The following IGSF9B variants were observed in gnomAD, a reference collection of about 807,000 sequenced individuals.
The protein encoded by IGSF9B is protein turtle homolog B.
In IGSF9B, 48 loss-of-function variants were observed where a neutral mutation model predicts 143.7. The observed-to-expected ratio is 0.33, with a 90% CI of 0.26 to 0.42. The LOEUF (loss-of-function observed/expected upper bound fraction) is 0.42. Among genes scored for constraint, IGSF9B ranks in the 20% least tolerant of loss-of-function variants. IGSF9B has a pLI of 1.00. For synonymous variants in IGSF9B, 903 were observed against 833.1 expected (o/e 1.08, Z -1.44); for missense variants, 1,706 against 1,980.0 (o/e 0.86, Z 2.63).
chr11:133,916,471 A>G (rs1408129020), intron 18 of IGSF9B, among the ~76,000 whole-genome samples: 2 of 152,124 alleles, frequency 1.3e-5, no homozygotes, highest in Non-Finnish European at 2.9e-5. Flanking sequence ...TCTCCCCAGG[A>G]CCCAGCAGCC....
intron 1 of IGSF9B, among the ~76,000 whole-genome samples, chr11:133,955,355 C>T (rs1016578632): frequency 6.6e-6 from 1 of 152,344 alleles, no homozygotes; most frequent in East Asian, 1.9e-4. Flanking sequence ...TTCGCTTCGC[C>T]CTCTGCTCGT....
At chr11:133,927,890 G>A (rs1393805918) in intron 12 of IGSF9B, among the ~76,000 whole-genome samples, 1 of 152,150 alleles carries the variant, frequency 6.6e-6, no homozygotes, top group Non-Finnish European at 1.5e-5. Context: ...TCACTACCGT[G>A]CACGCCCAGG....
chr11:133,922,930 A>G (rs1200962627), intron 15 of IGSF9B, among the ~76,000 whole-genome samples, 200 bp from the exon 16 acceptor site: 1 of 152,226 alleles, frequency 6.6e-6, no homozygotes, highest in African/African-American at 2.4e-5. Context: ...ACAGAAGTCA[A>G]TCTCTCCAAA....
Position 133,956,865 on chromosome 11 carries a change from C to T in IGSF9B, c.-111G>A, listed in dbSNP as rs947706915. ...CGCCCGCCTCGCGCCGCCTACGCCC[C>T]GCGCCGGTGCTCCTGCAGCCCGGGT... is the stretch of plus-strand genomic sequence containing the variant. On this transcript the variant is annotated 5_prime_UTR_variant, in exon 1 of 20. Transcript: ENST00000533871. 6 of 543,056 alleles carry T rather than the reference C, an allele frequency of 1.1e-5. No homozygotes were observed. The highest frequency in any genetic ancestry group is 1.7e-5 in the Non-Finnish European group (6 of 348,592). 33.6% of individuals were successfully genotyped at this position (543,056 alleles called of 1,614,324 possible). A position where few individuals can be genotyped will look rare whatever the true frequency, so the allele number is the denominator to read the frequency against.
rs368827068 is a variant in IGSF9B at position 133,937,343 on chromosome 11, C to G, written c.679+33G>C. The G allele has an allele frequency of 2.6e-6, 4 of 1,515,766 alleles. No homozygotes were observed. In the African/African-American group the frequency reaches 4.1e-5, roughly 16 times the overall value. 93.9% of individuals were successfully genotyped at this position (1,515,766 alleles called of 1,614,324 possible). On this transcript the variant is annotated intron_variant, in intron 5 of 19. Coordinates refer to ENST00000533871, the MANE Select transcript of IGSF9B (RefSeq NM_001277285.4). ...CGGGCTGGACATCCCCGCGGGAGCC[C>G]AGGGTTAAAGAGGCTGAGGAAATGG...
intron 13 of IGSF9B, among the ~76,000 whole-genome samples, chr11:133,926,336 G>A (rs1939626429): frequency 6.6e-6 from 1 of 152,252 alleles, no homozygotes; most frequent in Non-Finnish European, 1.5e-5. Flanking sequence ...AAGGACTGGG[G>A]GTGAGCATCC....
intron 5 of IGSF9B, among the ~76,000 whole-genome samples, chr11:133,936,639 C>A (rs1939829071): frequency 6.6e-6 from 1 of 152,178 alleles, no homozygotes; most frequent in Non-Finnish European, 1.5e-5. Context: ...ACAAAGGGGG[C>A]AGCTGCGGCC....
Position 133,937,856 on chromosome 11 carries a change from G to C in IGSF9B, c.515C>G (p.Thr172Ser), listed in dbSNP as rs767286232. Residue 172 changes from threonine to serine, a missense_variant, in exon 4 of 20, where the codon ACC becomes AGC. By Grantham distance (58) the Thr-to-Ser change is moderately conservative. Around this residue, in one of 7 missense-constraint regions of IGSF9B, gnomAD observed 238 missense variants for 452.6 expected, o/e 0.53. Transcript: ENST00000533871. The part of the protein sequence containing the change: ...TAFGNPKPIV[T>S]WLKEGTLLGA... ...GAGGAGCGTCCCCTCCTTGAGCCAG[G>C]TGACAATGGGCTTGGGGTTCCCAAA... The C allele has an allele frequency of 6.2e-7, 1 of 1,611,356 alleles. No individual in the cohort carries two copies. Among genetic ancestry groups the C allele is most frequent in the African/African-American group, 1.3e-5 (1 of 74,904 alleles).
At chr11:133,910,820 T>C (rs746108014) in intron 19 of IGSF9B, among the ~76,000 whole-genome samples, 5 of 152,190 alleles carry the variant, frequency 3.3e-5, no homozygotes, top group Admixed American at 6.5e-5. Context: ...GTTATACATA[T>C]ATAAAAACTA....
chr11:133,921,155 C>T lies in IGSF9B; in HGVS notation c.2570G>A (p.Arg857His), dbSNP rs868608028. ...CATCTCGGCAGGGTCCATCACGAAG[C>T]GGCCGTCAGGGCCTCTGCTGATGAG... ...IELISRGPDG[R>H]FVMDPAEMEP... The change falls in exon 18 of 20, where the codon CGC becomes CAC. Residue 857 changes from arginine to histidine, a missense_variant. Physicochemically the swap from Arg to His is conservative, Grantham distance 29. This residue lies in a region of IGSF9B where 135 missense variants were observed against 181.3 expected (regional missense o/e 0.74). Transcript: ENST00000533871. 2 of 1,612,784 alleles carry T rather than the reference C, an allele frequency of 1.2e-6. No individual in the cohort carries two copies. Among genetic ancestry groups the T allele is most frequent in the Non-Finnish European group, 1.7e-6 (2 of 1,179,454 alleles).
At position 133,932,131 on chromosome 11, in the gene IGSF9B, T is replaced by C; in HGVS notation, c.1050A>G (p.Ala350=). The change falls in exon 8 of 20, where the codon GCA becomes GCG. Residue 350 remains alanine, a synonymous_variant. Coordinates refer to ENST00000533871, the MANE Select transcript of IGSF9B (RefSeq NM_001277285.4). The part of the protein sequence containing the change: ...IHGYIRCPVD[A]EPPATVVKWN... Reference sequence around the variant, plus strand: ...ACTTGACCACGGTGGCCGGTGGTTCTGCGTCCACAGGGCAGCGGATGTAGC... The same window carrying C: ...ACTTGACCACGGTGGCCGGTGGTTCCGCGTCCACAGGGCAGCGGATGTAGC... 6.2e-7 allele frequency: 1 copy of C among 1,613,406 alleles called. No individual in the cohort carries two copies. Among genetic ancestry groups the C allele is most frequent in the Non-Finnish European group, 8.5e-7 (1 of 1,179,682 alleles).
intron 1 of IGSF9B, among the ~76,000 whole-genome samples, chr11:133,950,646 C>A (rs1465327555): frequency 6.6e-6 from 1 of 152,218 alleles, no homozygotes; most frequent in South Asian, 2.1e-4. Context: ...AACTCCAACC[C>A]CACACTGGGG....
rs773503367 is a variant in IGSF9B at position 133,920,450 on chromosome 11, G to A, written c.3275C>T (p.Pro1092Leu). Residue 1092 changes from proline to leucine, a missense_variant, in exon 18 of 20, where the codon CCG becomes CTG. Coordinates refer to ENST00000533871, the MANE Select transcript of IGSF9B (RefSeq NM_001277285.4). ...PTSLQVPAAYPGILSLEAPKG... is the reference protein window; with the variant it reads ...PTSLQVPAAYLGILSLEAPKG... The stretch of plus-strand genomic sequence containing the variant: ...CGGTGCCTCCAGAGACAGGATGCCC[G>A]GGTAGGCCGCGGGCACCTGCAGGGA... 19 of 1,567,786 alleles carry A rather than the reference G, an allele frequency of 1.2e-5. No homozygotes were observed. Among genetic ancestry groups the A allele is most frequent in the African/African-American group, 6.8e-5 (5 of 73,596 alleles).
intron 11 of IGSF9B, among the ~76,000 whole-genome samples, chr11:133,930,735 G>C (rs1433760215): frequency 6.6e-6 from 1 of 152,230 alleles, no homozygotes; most frequent in Non-Finnish European, 1.5e-5. Flanking sequence ...CCTCAGGTGG[G>C]CTGCTGTGGA....
At chr11:133,930,651 AG>A (rs1208240787) in intron 11 of IGSF9B, among the ~76,000 whole-genome samples, 1 of 152,002 alleles carries the variant, frequency 6.6e-6, no homozygotes, top group Non-Finnish European at 1.5e-5. Context: ...CCCTCATTCC[AG>A]CCCTCCAGCT....
At chr11:133,917,862 C>T (rs1939418710) in intron 18 of IGSF9B, among the ~76,000 whole-genome samples, 1 of 152,074 alleles carries the variant, frequency 6.6e-6, no homozygotes, top group East Asian at 2.0e-4. Flanking sequence ...ACCAGAGGGG[C>T]CCCAGAGAGG....
chr11:133,944,412 G>C, intron 2 of IGSF9B, 46 bp from the exon 3 acceptor site: 2 of 1,600,714 alleles, frequency 1.2e-6, no homozygotes, highest in Non-Finnish European at 8.5e-7. Flanking sequence ...ATCAGGTAAG[G>C]ACAGCAGCTC....
At chr11:133,936,679 T>C (rs1939830115) in intron 5 of IGSF9B, among the ~76,000 whole-genome samples, 1 of 151,986 alleles carries the variant, frequency 6.6e-6, no homozygotes, top group Non-Finnish European at 1.5e-5. Flanking sequence ...ACAGCTTCCA[T>C]CCAGGCTGCT....
In IGSF9B at chr11:133,907,210, G is replaced by A. The variant is rs745382252; in HGVS notation, c.*1859C>T. On this transcript the variant is annotated 3_prime_UTR_variant, in exon 20 of 20. Coordinates refer to ENST00000533871, the MANE Select transcript of IGSF9B (RefSeq NM_001277285.4). Reference sequence around the variant, plus strand: ...TGTTACTTGCACGGTAAACCTCAAGGGTGGAGCTGGTCCTCAGCTCCCTGG... The same window carrying A: ...TGTTACTTGCACGGTAAACCTCAAGAGTGGAGCTGGTCCTCAGCTCCCTGG... Among the ~76,000 whole-genome samples, 3 of 152,184 alleles carry A rather than the reference G, an allele frequency of 2.0e-5. No homozygotes were observed. The highest frequency in any genetic ancestry group is 4.8e-5 in the African/African-American group (2 of 41,462).
Sources: allele counts gnomAD v4.1 joint callset (sites outside exome capture counted in the v4.1 genomes callset), GRCh38; gene constraint gnomAD v4.1.1; regional missense constraint gnomAD v4.1.1; transcripts MANE v1.5; gene names NCBI Gene and HGNC (gene_info 2026-07-23, HGNC 2026-07-21).